PSIP1: variants seen among roughly 807,000 people sequenced by gnomAD.
PSIP1 encodes the protein PC4 and SFRS1-interacting protein.
In PSIP1, 19 loss-of-function variants were observed where a neutral mutation model predicts 74.7. The observed-to-expected ratio is 0.25, with a 90% CI of 0.18 to 0.37. The LOEUF (loss-of-function observed/expected upper bound fraction) is 0.37, where lower values mean the gene tolerates loss of function less well. Among genes scored for constraint, PSIP1 ranks in the 10% least tolerant of loss-of-function variants. PSIP1 has a pLI of 1.00. For synonymous variants in PSIP1, 222 were observed against 195.3 expected, an observed-to-expected ratio of 1.14 and a Z score of -1.14; for missense variants, 601 against 614.3, an observed-to-expected ratio of 0.98 and a Z score of 0.23.
chr9:15,496,195 A>T (rs2037064900), intron 3 of PSIP1, among the ~76,000 whole-genome samples: 1 of 152,208 alleles, frequency 6.6e-6, no homozygotes, highest in African/African-American at 2.4e-5. Flanking sequence ...ACAATTAGTT[A>T]ATATGGCAGG....
chr9:15,471,514 CAACA>C (rs2035829937), intron 10 of PSIP1: 1 of 976,508 alleles, frequency 1.0e-6, no homozygotes, highest in Non-Finnish European at 1.2e-6. Context: ...AAGTCAAAAG[CAACA>C]AACAGTCCAA....
chr9:15,482,290 A>G (rs1442674337), intron 6 of PSIP1, among the ~76,000 whole-genome samples: 3 of 151,566 alleles, frequency 2.0e-5, no homozygotes, highest in Non-Finnish European at 4.4e-5. Flanking sequence ...CCTGCTGGGA[A>G]AAAAAAAATG....
At chr9:15,506,406 C>G (rs145481562) in intron 3 of PSIP1, 155 bp downstream of exon 3, 1 of 502,482 alleles carries the variant, frequency 2.0e-6, no homozygotes, top group African/African-American at 1.9e-5. Context: ...CATCTGTAAA[C>G]GCTACCTTAA....
intron 3 of PSIP1, among the ~76,000 whole-genome samples, chr9:15,504,782 A>G (rs1289121540): frequency 1.3e-5 from 2 of 151,960 alleles, no homozygotes. Context: ...GACAAAAATC[A>G]GAATTAAAGA....
rs1191404413 is a variant in PSIP1 at position 15,465,044 on chromosome 9, A to G, written c.*476T>C. The G allele has an allele frequency of 8.9e-6, 2 of 223,818 alleles. No individual in the cohort carries two copies. The highest frequency in any genetic ancestry group is 1.8e-5 in the Non-Finnish European group (2 of 112,248). 13.9% of individuals were successfully genotyped at this position (223,818 alleles called of 1,614,324 possible). The stretch of plus-strand genomic sequence containing the variant: ...AAAAGGGAGTGAGTACTTGTATAGA[A>G]GTAACATTTTATCTACCATAAAAAT... On this transcript the variant is annotated 3_prime_UTR_variant, in exon 16 of 16. Transcript: ENST00000380733.
chr9:15,473,904 C>CAAAAAA (rs372363481), intron 9 of PSIP1, 105 bp downstream of exon 9: 5 of 654,250 alleles, frequency 7.6e-6, no homozygotes, highest in Admixed American at 1.4e-4. Flanking sequence ...CCATCTCAAA[C>CAAAAAA]AAAAAAAAAA....
chr9:15,481,589 C>T (rs1321690778), intron 6 of PSIP1, among the ~76,000 whole-genome samples: 3 of 152,054 alleles, frequency 2.0e-5, no homozygotes, highest in Non-Finnish European at 1.5e-5. Flanking sequence ...GAGGCTAAGG[C>T]AGGAGAATCA....
rs2035514790 is a variant in PSIP1, at chr9:15,464,992, CTG to C, written c.*526_*527del. On this transcript the variant is annotated 3_prime_UTR_variant, in exon 16 of 16. Coordinates refer to ENST00000380733, the MANE Select transcript of PSIP1 (RefSeq NM_033222.5). ...GCTGGATAATGTAGCACAATGTAGA[CTG>C]TGAGATTAAAATTAACTTTTGATAA... is the stretch of plus-strand genomic sequence containing the variant. 4.6e-6 allele frequency: 1 copy of C among 219,282 alleles called. No homozygotes were observed. 13.6% of individuals were successfully genotyped at this position (219,282 alleles called of 1,614,324 possible). A position where few individuals can be genotyped will look rare whatever the true frequency, so the allele number is the denominator to read the frequency against.
intron 10 of PSIP1, chr9:15,471,223 G>A: frequency 6.2e-7 from 1 of 1,605,456 alleles, no homozygotes; most frequent in Non-Finnish European, 8.5e-7. Context: ...TAGATTACAT[G>A]TTGTTTGGCT....
intron 3 of PSIP1, chr9:15,491,834 G>C (rs956068545): frequency 6.5e-6 from 1 of 152,792 alleles, no homozygotes; most frequent in Non-Finnish European, 1.5e-5. Context: ...AATCATGGCA[G>C]AAGGCACCTC....
intron 2 of PSIP1, among the ~76,000 whole-genome samples, chr9:15,509,816 C>A (rs2037771058): frequency 6.6e-6 from 1 of 152,294 alleles, no homozygotes; most frequent in Middle Eastern, 3.4e-3. Flanking sequence ...AAAATTCACT[C>A]TTCATTATTT....
In PSIP1 at chr9:15,478,477, A is replaced by G. The variant is rs751551810; in HGVS notation, c.629T>C (p.Ile210Thr). Residue 210 changes from isoleucine (I) to threonine (T), a missense_variant and splice_region_variant, in exon 8 of 16, where the codon ATC (isoleucine) becomes ACC (threonine). Transcript: ENST00000380733. Reference protein sequence around the residue: ...VKQPCPSESDIITEEDKSKKK... With the variant: ...VKQPCPSESDTITEEDKSKKK... ...AATTATACATTAAAAATAAACTCAC[A>G]TGTCACTCTCTGAAGGACAGGGCTG... The G allele has an allele frequency of 6.3e-7, 1 of 1,575,308 alleles. No individual in the cohort carries two copies. The highest frequency in any genetic ancestry group is 1.1e-5 in the South Asian group (1 of 89,794).
At chr9:15,480,899 C>T (rs1263065035) in intron 6 of PSIP1, among the ~76,000 whole-genome samples, 5 of 152,048 alleles carry the variant, frequency 3.3e-5, no homozygotes, top group African/African-American at 4.8e-5. Flanking sequence ...CCAGCCTGGG[C>T]GACAGAGCAA....
intron 6 of PSIP1, among the ~76,000 whole-genome samples, chr9:15,483,727 G>A (rs1433354376): frequency 1.3e-5 from 2 of 152,090 alleles, no homozygotes; most frequent in African/African-American, 4.8e-5. Flanking sequence ...CGTTCACACT[G>A]CTTTAAAAAA....
At chr9:15,485,433 G>T (rs2036519345) in intron 6 of PSIP1, among the ~76,000 whole-genome samples, 1 of 152,084 alleles carries the variant, frequency 6.6e-6, no homozygotes, top group African/African-American at 2.4e-5. Context: ...ATGAGATACT[G>T]AACTTTTGGT....
intron 3 of PSIP1, among the ~76,000 whole-genome samples, chr9:15,501,446 G>A (rs2037339440): frequency 1.3e-5 from 2 of 151,960 alleles, no homozygotes; most frequent in Admixed American, 1.3e-4. Flanking sequence ...AACACGAGGA[G>A]GAGGATGTGA....
chr9:15,489,882 T>TA, intron 4 of PSIP1, 104 bp downstream of exon 4: 2 of 969,664 alleles, frequency 2.1e-6, no homozygotes, highest in Non-Finnish European at 2.9e-6. Flanking sequence ...AACAAACTAG[T>TA]ATGAAATTCC....
At chr9:15,493,624 G>C (rs1170494538) in intron 3 of PSIP1, among the ~76,000 whole-genome samples, 2 of 152,162 alleles carry the variant, frequency 1.3e-5, no homozygotes, top group Admixed American at 1.3e-4. Flanking sequence ...AGGTTTAATT[G>C]ACTCAAAGTT....
At chr9:15,481,726 GAGGTACC>G (rs1384024208) in intron 6 of PSIP1, among the ~76,000 whole-genome samples, 1 of 152,028 alleles carries the variant, frequency 6.6e-6, no homozygotes, top group Non-Finnish European at 1.5e-5. Context: ...GGTTTTTAAG[GAGGTACC>G]AATAAGTGTA....
Sources: allele counts gnomAD v4.1 joint callset (sites outside exome capture counted in the v4.1 genomes callset), GRCh38; gene constraint gnomAD v4.1.1; transcripts MANE v1.5; gene names NCBI Gene and HGNC (gene_info 2026-07-23, HGNC 2026-07-21).